Variants in BCOR observed in about 807,000 individuals in gnomAD.
The protein encoded by BCOR is BCL6 corepressor.
Under a neutral mutation model 86.7 loss-of-function variants are expected in BCOR, and 10 were observed. The observed-to-expected ratio is 0.12, with a 90% CI of 0.07 to 0.20. The LOEUF (loss-of-function observed/expected upper bound fraction) is 0.20. Ranked by LOEUF, BCOR falls within the 10% of genes least tolerant of loss-of-function variation. The pLI, the probability that BCOR is intolerant of heterozygous loss-of-function variation, is 1.00. For missense variants in BCOR, 1,259 were observed against 1,452.1 expected (o/e 0.87, Z 2.16); for synonymous variants, 611 against 609.0 (o/e 1.00, Z -0.05).
intron 3 of BCOR, 144 bp downstream of exon 3, chrX:40,076,310 C>G: frequency 2.1e-6 from 1 of 473,028 alleles, no homozygotes; most frequent in Admixed American, 2.8e-5. Flanking sequence ...GCCTTGTCCT[C>G]TCGCAGAGGC....
At chrX:40,100,698 T>C (rs1191531594), upstream of BCOR, among the ~76,000 whole-genome samples, 2 of 73,836 alleles carry the variant, frequency 2.7e-5, no homozygotes, top group African/African-American at 1.1e-4. Flanking sequence ...AAACTCCGTC[T>C]CAAAAAAAAA....
chrX:40,121,827 G>C (rs181730903), intron 1 of BCOR, among the ~76,000 whole-genome samples: 1 of 112,224 alleles, frequency 8.9e-6, no homozygotes, highest in Non-Finnish European at 1.9e-5. Flanking sequence ...ACCAACCTTG[G>C]ACCACCTGAG....
intron 1 of BCOR, among the ~76,000 whole-genome samples, chrX:40,120,674 C>A (rs1239502149): frequency 8.9e-6 from 1 of 111,846 alleles, no homozygotes; most frequent in Non-Finnish European, 1.9e-5. Flanking sequence ...GTGCCAGGTG[C>A]TGCTCCAGGC....
intron 6 of BCOR, among the ~76,000 whole-genome samples, chrX:40,068,688 G>A (rs780263525): frequency 8.8e-6 from 1 of 112,999 alleles, no homozygotes; most frequent in African/African-American, 3.2e-5. Flanking sequence ...ACACCTCCGT[G>A]TTCCCTACCC....
intron 1 of BCOR, among the ~76,000 whole-genome samples, chrX:40,170,385 C>G (rs1602284569): frequency 9.3e-6 from 1 of 107,491 alleles, no homozygotes; most frequent in South Asian, 4.1e-4. Flanking sequence ...GAGTTTCGCT[C>G]TTTTGCCCAG....
At chrX:40,088,147 A>G (rs1936439347) in intron 1 of BCOR, among the ~76,000 whole-genome samples, 1 of 111,977 alleles carries the variant, frequency 8.9e-6, no homozygotes, top group Non-Finnish European at 1.9e-5. Context: ...AGATCCTCGA[A>G]AACAATCAGT....
intron 1 of BCOR, among the ~76,000 whole-genome samples, chrX:40,094,251 C>A (rs754847491): frequency 2.0e-4 from 22 of 112,494 alleles, no homozygotes; most frequent in South Asian, 1.1e-3. Flanking sequence ...CGCCTCCCCC[C>A]CCTCCAGTCC....
At chrX:40,107,753 G>A (rs756056670) in intron 1 of BCOR, among the ~76,000 whole-genome samples, 1 of 113,452 alleles carries the variant, frequency 8.8e-6, no homozygotes, top group South Asian at 3.5e-4. Flanking sequence ...TGGGGTGCGG[G>A]TTTGGCGCCC....
In BCOR at chrX:40,137,616, C is replaced by T. The variant is rs184732337; in HGVS notation, c.-41+39391G>A. Among the ~76,000 whole-genome samples the T allele has an allele frequency of 4.6e-3, 496 of 108,545 alleles. 1 individual carries two copies. Among genetic ancestry groups the T allele is most frequent in the African/African-American group, 0.017 (470 of 28,464 alleles). 94.3% of individuals were successfully genotyped at this position (108,545 alleles called of 115,157 possible). On this transcript the variant is annotated intron_variant, in intron 1 of 14. Transcript: ENST00000342274. ...AAAATAAACAAATTCCTTTATCTTT[C>T]CCCAGTCCTCTCTTGCCTCTGGCTC...
chrX:40,065,089 C>G (rs1178489712), intron 6 of BCOR, among the ~76,000 whole-genome samples: 1 of 111,622 alleles, frequency 9.0e-6, no homozygotes, highest in African/African-American at 3.3e-5. Flanking sequence ...CAATATTCAC[C>G]TAGGCCAACC....
At chrX:40,091,984 C>A (rs1162004544) in intron 1 of BCOR, among the ~76,000 whole-genome samples, 1 of 112,886 alleles carries the variant, frequency 8.9e-6, no homozygotes, top group Non-Finnish European at 1.9e-5. Context: ...TGCTTTCTCC[C>A]ACCCATCGGC....
At chrX:40,111,849 A>G (rs1051460879) in intron 1 of BCOR, among the ~76,000 whole-genome samples, 1 of 111,355 alleles carries the variant, frequency 9.0e-6, no homozygotes. Context: ...TACCTCACCT[A>G]TGAAACTTAT....
chrX:40,053,761 G>C, intron 14 of BCOR, 125 bp downstream of exon 14: 1 of 744,837 alleles, frequency 1.3e-6, no homozygotes, highest in Non-Finnish European at 2.0e-6. Context: ...TGCATTGTGT[G>C]AGGTTCGTGG....
chrX:40,169,872 G>A (rs1431847048), intron 1 of BCOR, among the ~76,000 whole-genome samples: 1 of 110,949 alleles, frequency 9.0e-6, no homozygotes, highest in Non-Finnish European at 1.9e-5. Flanking sequence ...CGGGACCAGG[G>A]TTAACCCTGG....
intron 1 of BCOR, among the ~76,000 whole-genome samples, chrX:40,107,319 C>T (rs1221717137): frequency 9.0e-6 from 1 of 111,072 alleles, no homozygotes; most frequent in Non-Finnish European, 1.9e-5. Flanking sequence ...CGGGGCGGGG[C>T]GACCCAGCAG....
intron 1 of BCOR, among the ~76,000 whole-genome samples, chrX:40,154,393 T>TC (rs1156246080): frequency 8.9e-6 from 1 of 112,060 alleles, no homozygotes; most frequent in Non-Finnish European, 1.9e-5. Flanking sequence ...GCTCGCTCGC[T>TC]CTCGCCCAGG....
At chrX:40,086,934 T>G (rs927705521) in intron 1 of BCOR, among the ~76,000 whole-genome samples, 2 of 113,603 alleles carry the variant, frequency 1.8e-5, no homozygotes, top group Non-Finnish European at 3.7e-5. Context: ...CAAGGAAGCA[T>G]GCGTTTGTCA....
In BCOR at chrX:40,054,005, G is replaced by A; in HGVS notation, c.4857C>T (p.Asn1619=). ...DDESGYDVLA[N]PPGPEDQDDD... is the part of the protein sequence containing the mutation. ...CATCCTGGTCTTCTGGTCCTGGGGG[G>A]TTGGCTAAAACATCATAGCCACTTT... Residue 1619 remains asparagine (N), a synonymous_variant, in exon 14 of 15, where the codon AAC becomes AAT. Coordinates refer to ENST00000378444, the MANE Select transcript of BCOR (RefSeq NM_001123385.2). The A allele has an allele frequency of 8.3e-7, 1 of 1,211,527 alleles. No individual in the cohort carries two copies. The highest frequency in any genetic ancestry group is 1.1e-6 in the Non-Finnish European group (1 of 895,271).
intron 3 of BCOR, 42 bp from the exon 4 acceptor site, chrX:40,075,222 C>T (rs1427133867): frequency 1.8e-6 from 2 of 1,127,685 alleles, no homozygotes; most frequent in East Asian, 6.3e-5. Flanking sequence ...GATACTCCTT[C>T]AAGGCAGCAG....
Sources: allele counts gnomAD v4.1 joint callset (sites outside exome capture counted in the v4.1 genomes callset), GRCh38; gene constraint gnomAD v4.1.1; transcripts MANE v1.5; gene names NCBI Gene and HGNC (gene_info 2026-07-23, HGNC 2026-07-21).